Variants in CTNNA2 observed in about 807,000 individuals in gnomAD.
CTNNA2 encodes catenin alpha-2.
CTNNA2 carries 42 observed loss-of-function variants against 101.0 expected under a neutral mutation model. The ratio of observed to expected loss-of-function variants is 0.42; its 90% confidence interval spans 0.32 to 0.54. CTNNA2 has a LOEUF of 0.54. Among genes scored for constraint, CTNNA2 ranks in the 20% least tolerant of loss-of-function variants. CTNNA2 has a pLI of 0.14. For missense variants in CTNNA2, 871 were observed against 1,223.1 expected (o/e 0.71, Z 4.29); for synonymous variants, 450 against 456.4 (o/e 0.99, Z 0.18).
chr2:79,751,752 AT>A (rs1672062855), intron 3 of CTNNA2, among the ~76,000 whole-genome samples: 1 of 152,084 alleles, frequency 6.6e-6, no homozygotes, highest in Non-Finnish European at 1.5e-5. Flanking sequence ...CACTTAAATG[AT>A]ATTTTAGAAA....
intron 18 of CTNNA2, among the ~76,000 whole-genome samples, chr2:80,644,710 G>A (rs1352620195): frequency 6.6e-6 from 1 of 152,112 alleles, no homozygotes; most frequent in Non-Finnish European, 1.5e-5. Context: ...TGGGCTTATT[G>A]TTTGTGGAAA....
intron 3 of CTNNA2, among the ~76,000 whole-genome samples, chr2:79,822,125 T>A (rs184870784): frequency 1.3e-5 from 2 of 152,320 alleles, no homozygotes; most frequent in East Asian, 3.9e-4. Context: ...CAGAAAGTTG[T>A]ACTAATACTA....
chr2:80,099,700 G>T (rs1213056819), intron 7 of CTNNA2, among the ~76,000 whole-genome samples: 2 of 150,766 alleles, frequency 1.3e-5, no homozygotes, highest in Non-Finnish European at 1.5e-5. Context: ...CGTATTTCTG[G>T]TGCCTCCATT....
chr2:80,206,458 C>T (rs973439762), intron 7 of CTNNA2, among the ~76,000 whole-genome samples: 4 of 152,216 alleles, frequency 2.6e-5, no homozygotes, highest in Non-Finnish European at 5.9e-5. Context: ...GATGCTATCA[C>T]ATCACATCCA....
At chr2:80,264,868 A>G (rs924869951) in intron 7 of CTNNA2, among the ~76,000 whole-genome samples, 1 of 152,172 alleles carries the variant, frequency 6.6e-6, no homozygotes, top group Admixed American at 6.5e-5. Flanking sequence ...GAAGCCAAAC[A>G]GATAATCAAT....
At chr2:79,324,030 A>C (rs1032904007) in intron 3 of CTNNA2, among the ~76,000 whole-genome samples, 2 of 152,200 alleles carry the variant, frequency 1.3e-5, no homozygotes, top group Non-Finnish European at 2.9e-5. Flanking sequence ...TTGTTACAGA[A>C]GAGAGAAAAT....
intron 4 of CTNNA2, among the ~76,000 whole-genome samples, chr2:79,469,151 AAGAG>A (rs1670970584): frequency 6.6e-6 from 1 of 152,178 alleles, no homozygotes; most frequent in African/African-American, 2.4e-5. Context: ...TAAAGAAGAA[AAGAG>A]AGAAGAATCA....
chr2:80,442,511 C>T (rs1682682832), intron 9 of CTNNA2, among the ~76,000 whole-genome samples: 1 of 152,192 alleles, frequency 6.6e-6, no homozygotes, highest in South Asian at 2.1e-4. Flanking sequence ...CTGGCTCCAT[C>T]TTGCTTTTGT....
intron 7 of CTNNA2, among the ~76,000 whole-genome samples, chr2:80,192,504 G>T (rs1176047632): frequency 6.6e-6 from 1 of 151,874 alleles, no homozygotes; most frequent in Non-Finnish European, 1.5e-5. Context: ...CTTAAAATGG[G>T]CTAATCTGTA....
At chr2:79,495,676 A>C (rs1471497686) in intron 4 of CTNNA2, among the ~76,000 whole-genome samples, 1 of 152,216 alleles carries the variant, frequency 6.6e-6, no homozygotes, top group Non-Finnish European at 1.5e-5. Flanking sequence ...AGCATTATTC[A>C]TAATTAATTG....
chr2:80,633,651 C>G (rs1213659281), intron 18 of CTNNA2, among the ~76,000 whole-genome samples: 1 of 152,150 alleles, frequency 6.6e-6, no homozygotes, highest in Non-Finnish European at 1.5e-5. Flanking sequence ...ATTTTATGAG[C>G]CTTCAAGTAG....
intron 2 of CTNNA2, among the ~76,000 whole-genome samples, chr2:79,205,642 AC>A (rs1674091144): frequency 6.6e-6 from 1 of 152,136 alleles, no homozygotes; most frequent in Non-Finnish European, 1.5e-5. Context: ...TGATGATAAA[AC>A]CCAGGTGTTC....
chr2:80,599,062 T>C lies in CTNNA2; in HGVS notation c.2190-5012T>C, dbSNP rs555232508. On this transcript the variant is annotated intron_variant, in intron 15 of 18. Coordinates refer to ENST00000402739, the MANE Select transcript of CTNNA2 (RefSeq NM_001282597.3). ...TATTGTACTGCAGTCATACAAGATA[T>C]TAACATGAGAAAGGCTGGGAGAAGA... 3.3e-5 allele frequency among the ~76,000 whole-genome samples: 5 copies of C among 152,322 alleles called. No homozygotes were observed. In the South Asian group the frequency reaches 1.0e-3, roughly 32 times the overall value.
At chr2:79,898,135 T>C (rs566224730) in intron 6 of CTNNA2, among the ~76,000 whole-genome samples, 1 of 152,176 alleles carries the variant, frequency 6.6e-6, no homozygotes, top group East Asian at 1.9e-4. Flanking sequence ...TTTCTTTTCT[T>C]TCTTTTTTCT....
chr2:80,298,064 T>C (rs987234641), intron 7 of CTNNA2: 12 of 146,412 alleles, frequency 8.2e-5, no homozygotes, highest in African/African-American at 2.5e-4. Flanking sequence ...CACACACACA[T>C]GTGTGCATAT....
chr2:79,572,138 T>A (rs1268705558), intron 1 of CTNNA2, among the ~76,000 whole-genome samples: 1 of 152,152 alleles, frequency 6.6e-6, no homozygotes, highest in Non-Finnish European at 1.5e-5. Context: ...AGTAATTTTA[T>A]GAGATGGCAT....
At chr2:79,615,628 T>A (rs1190652995) in intron 1 of CTNNA2, among the ~76,000 whole-genome samples, 1 of 152,188 alleles carries the variant, frequency 6.6e-6, no homozygotes, top group Non-Finnish European at 1.5e-5. Context: ...TTTGCTCGTT[T>A]GGTATTTGAA....
At chr2:79,410,013 T>A (rs1449492177) in intron 4 of CTNNA2, among the ~76,000 whole-genome samples, 2 of 150,466 alleles carry the variant, frequency 1.3e-5, no homozygotes, top group East Asian at 3.9e-4. Flanking sequence ...AAGAGGTCCT[T>A]CACATCCCTT....
intron 5 of CTNNA2, among the ~76,000 whole-genome samples, chr2:79,506,072 T>G (rs1057285416): frequency 2.0e-5 from 3 of 152,184 alleles, no homozygotes; most frequent in African/African-American, 7.2e-5. Flanking sequence ...TTTGTAGAAT[T>G]GGAGATCTAT....
Sources: allele counts gnomAD v4.1 joint callset (sites outside exome capture counted in the v4.1 genomes callset), GRCh38; gene constraint gnomAD v4.1.1; transcripts MANE v1.5; gene names NCBI Gene and HGNC (gene_info 2026-07-23, HGNC 2026-07-21).